SND1: variants seen among roughly 807,000 people sequenced by gnomAD.
SND1 encodes staphylococcal nuclease and tudor domain containing 1, also known as staphylococcal nuclease domain-containing protein 1.
A neutral mutation model predicts 121.7 loss-of-function variants in SND1; 38 were observed. That is an observed-to-expected ratio of 0.31 (90% CI 0.24 to 0.41). The LOEUF is 0.41. SND1 is among the 10% of genes least tolerant of loss of function. The probability of loss-of-function intolerance (pLI) is 1.00; values close to 1 mark genes in which losing one functional copy is unlikely to be tolerated. For synonymous variants in SND1, 401 were observed against 447.4 expected, an observed-to-expected ratio of 0.90 and a Z score of 1.31; for missense variants, 868 against 1,184.6, an observed-to-expected ratio of 0.73 and a Z score of 3.92.
intron 12 of SND1, among the ~76,000 whole-genome samples, chr7:127,851,264 A>G (rs1383582831): frequency 6.6e-6 from 1 of 152,170 alleles, no homozygotes; most frequent in Non-Finnish European, 1.5e-5. Context: ...GGATGACTTG[A>G]ATATTTACTG....
chr7:127,686,260 T>C (rs1319989951), intron 1 of SND1, among the ~76,000 whole-genome samples: 2 of 152,228 alleles, frequency 1.3e-5, no homozygotes, highest in Non-Finnish European at 2.9e-5. Context: ...GATGGAGATA[T>C]TAATTCTTAA....
intron 14 of SND1, among the ~76,000 whole-genome samples, chr7:127,914,283 CG>C (rs1800522038): frequency 6.6e-6 from 1 of 152,176 alleles, no homozygotes; most frequent in South Asian, 2.1e-4. Flanking sequence ...TTGACTGACT[CG>C]GACTTCATTG....
chr7:127,743,905 C>T (rs2116441269), intron 10 of SND1, among the ~76,000 whole-genome samples: 1 of 152,276 alleles, frequency 6.6e-6, no homozygotes, highest in African/African-American at 2.4e-5. Flanking sequence ...TCACATTCTG[C>T]TTCCCAGGCC....
intron 10 of SND1, among the ~76,000 whole-genome samples, chr7:127,767,390 G>A (rs948599352): frequency 1.3e-5 from 2 of 152,150 alleles, no homozygotes; most frequent in African/African-American, 2.4e-5. Flanking sequence ...CTTATATGTG[G>A]GAGATGTGAA....
At chr7:127,860,035 G>A (rs73721017) in intron 12 of SND1, among the ~76,000 whole-genome samples, 2,699 of 152,252 alleles carry the variant, frequency 0.018, 98 homozygotes, top group African/African-American at 0.062. Context: ...ATGGCAGAGC[G>A]GTGGAGGGGC....
chr7:127,714,093 G>A (rs968523753), intron 9 of SND1, among the ~76,000 whole-genome samples: 1 of 151,996 alleles, frequency 6.6e-6, no homozygotes, highest in Non-Finnish European at 1.5e-5. Context: ...GGGGGTGGGG[G>A]AGGGATGGAG....
chr7:127,674,322 T>C (rs879433559), intron 1 of SND1, among the ~76,000 whole-genome samples: 3 of 152,220 alleles, frequency 2.0e-5, no homozygotes, highest in Non-Finnish European at 4.4e-5. Context: ...AACACACATG[T>C]ATCTCTCTAT....
intron 14 of SND1, among the ~76,000 whole-genome samples, chr7:127,925,015 T>C (rs1423022067): frequency 6.6e-6 from 1 of 152,146 alleles, no homozygotes; most frequent in Admixed American, 6.5e-5. Flanking sequence ...TCCTCTAAGT[T>C]TGAGATATAG....
chr7:127,958,356 T>G (rs1053860717), intron 15 of SND1, among the ~76,000 whole-genome samples: 5 of 152,240 alleles, frequency 3.3e-5, no homozygotes, highest in Non-Finnish European at 7.3e-5. Flanking sequence ...TTATTTTCAC[T>G]GTTACCCTTA....
intron 10 of SND1, among the ~76,000 whole-genome samples, chr7:127,782,818 C>A (rs1797746228): frequency 6.6e-6 from 1 of 152,156 alleles, no homozygotes; most frequent in Admixed American, 6.5e-5. Context: ...CACCACTGAC[C>A]TTTTCCAGTG....
rs77151827 is a variant in SND1 at position 128,070,146 on chromosome 7, C to T, written c.1780-4356C>T. On this transcript the variant is annotated intron_variant, in intron 16 of 23. Coordinates refer to ENST00000354725, the MANE Select transcript of SND1 (RefSeq NM_014390.4). The stretch of plus-strand genomic sequence containing the variant: ...TTGACCTTCAAGCCTCTAGGCTGTT[C>T]GCTTCTTAACCAGTTACCACCAAGC... Among the ~76,000 whole-genome samples, 170 of 152,324 alleles carry T rather than the reference C, an allele frequency of 1.1e-3. 2 individuals are homozygous for T. The East Asian group carries it at 0.019, about 17-fold the overall frequency.
intron 16 of SND1, among the ~76,000 whole-genome samples, chr7:128,039,590 A>G (rs1792813065): frequency 6.6e-6 from 1 of 152,146 alleles, no homozygotes; most frequent in African/African-American, 2.4e-5. Context: ...TGACAGATTT[A>G]TGAAGGAGAG....
intron 10 of SND1, among the ~76,000 whole-genome samples, chr7:127,775,597 C>T (rs1797604805): frequency 6.6e-6 from 1 of 151,966 alleles, no homozygotes; most frequent in Admixed American, 6.6e-5. Flanking sequence ...CTGGGAGCAC[C>T]CTGGTTCCCC....
chr7:127,855,512 G>GT (rs374350316), intron 12 of SND1, among the ~76,000 whole-genome samples: 42,956 of 151,382 alleles, frequency 0.28, 7,599 homozygotes, highest in East Asian at 0.7. Context: ...AGTTTTTTTT[G>GT]TTTTTTTGAT....
chr7:127,823,565 T>A (rs1488065592), intron 11 of SND1, among the ~76,000 whole-genome samples: 3 of 152,190 alleles, frequency 2.0e-5, no homozygotes, highest in African/African-American at 7.2e-5. Flanking sequence ...CAAGTTTCTC[T>A]GAAAGTCTCA....
intron 2 of SND1, among the ~76,000 whole-genome samples, chr7:127,693,373 G>A (rs1795954521): frequency 6.6e-6 from 1 of 152,192 alleles, no homozygotes; most frequent in Non-Finnish European, 1.5e-5. Context: ...CATGATGTGA[G>A]CAAGTATCTG....
intron 15 of SND1, among the ~76,000 whole-genome samples, chr7:127,942,398 A>C (rs1404861329): frequency 6.6e-6 from 1 of 152,194 alleles, no homozygotes; most frequent in East Asian, 1.9e-4. Flanking sequence ...CTCTTGCCAG[A>C]TGGTACAATA....
chr7:127,760,126 AGACTTGC>A (rs1797277030), intron 10 of SND1, among the ~76,000 whole-genome samples: 4 of 152,212 alleles, frequency 2.6e-5, no homozygotes, highest in Admixed American at 2.6e-4. Flanking sequence ...CCAACATGCC[AGACTTGC>A]TCTGGAAATG....
intron 15 of SND1, among the ~76,000 whole-genome samples, chr7:127,988,224 A>T (rs974003193): frequency 1.3e-5 from 2 of 152,178 alleles, no homozygotes; most frequent in Non-Finnish European, 2.9e-5. Flanking sequence ...AGACATTCAG[A>T]TATCATAAAG....
Sources: gnomAD v4.1 joint callset for allele counts (sites outside exome capture counted in the v4.1 genomes callset) on GRCh38, gnomAD v4.1.1 for gene constraint, MANE v1.5 for transcripts, NCBI Gene and HGNC (gene_info 2026-07-23, HGNC 2026-07-21) for gene names.